The following ANXA8 variants were observed in gnomAD, a reference collection of about 807,000 sequenced individuals.
ANXA8 encodes the protein VAC-beta.
In ANXA8, 9 loss-of-function variants were observed where a neutral mutation model predicts 26.8. The observed-to-expected ratio is 0.34, with a 90% CI of 0.20 to 0.59. The LOEUF (loss-of-function observed/expected upper bound fraction) is 0.59, where lower values mean the gene tolerates loss of function less well. Among genes scored for constraint, ANXA8 ranks in the 20% least tolerant of loss-of-function variants. The probability of loss-of-function intolerance (pLI) is 0.84; values close to 1 mark genes in which losing one functional copy is unlikely to be tolerated. For synonymous variants in ANXA8, 39 were observed against 94.8 expected (o/e 0.41, Z 3.42); for missense variants, 83 against 238.5 (o/e 0.35, Z 4.29).
chr10:47,573,337 C>T, the ANXA8 span, among the ~76,000 whole-genome samples: 3 of 150,262 alleles, frequency 2.0e-5, 1 homozygote, highest in African/African-American at 7.5e-5. Context: ...CACTATGTTG[C>T]CCAGGCTTGT....
the ANXA8 span, chr10:47,590,035 C>T: frequency 6.8e-6 from 1 of 146,138 alleles, no homozygotes; most frequent in Non-Finnish European, 1.5e-5. Flanking sequence ...CCCCATTCCC[C>T]CCTGACAGGG....
the ANXA8 span, among the ~76,000 whole-genome samples, chr10:47,647,495 A>G: frequency 6.7e-6 from 1 of 150,136 alleles, no homozygotes; most frequent in Admixed American, 6.6e-5. Flanking sequence ...CCAGTTTCAC[A>G]CAAGGAATAA....
chr10:47,985,307 CCA>C, the ANXA8 span, among the ~76,000 whole-genome samples: 1 of 141,992 alleles, frequency 7.0e-6, no homozygotes, highest in East Asian at 2.0e-4. Context: ...AATGATAAAA[CCA>C]AATGCTAGCA....
the ANXA8 span, chr10:47,565,927 C>T: frequency 4.1e-5 from 60 of 1,476,960 alleles, no homozygotes; most frequent in African/African-American, 8.9e-5. Flanking sequence ...TCGAGGAGGG[C>T]ATGGTGGAGG....
the ANXA8 span, among the ~76,000 whole-genome samples, chr10:47,497,046 C>T: frequency 5.4e-4 from 82 of 151,436 alleles, no homozygotes; most frequent in Non-Finnish European, 8.8e-4. Flanking sequence ...TCAGGCCAGG[C>T]GCAGTGGCTC....
chr10:47,648,400 A>G, the ANXA8 span, among the ~76,000 whole-genome samples: 1 of 150,668 alleles, frequency 6.6e-6, no homozygotes, highest in Non-Finnish European at 1.5e-5. Context: ...TTGATTTCTT[A>G]TAACATAAAT....
At chr10:47,907,161 C>T in the ANXA8 span, among the ~76,000 whole-genome samples, 1 of 151,700 alleles carries the variant, frequency 6.6e-6, no homozygotes, top group Non-Finnish European at 1.5e-5. Flanking sequence ...CGAGACCATC[C>T]TGGCTAACAC....
the ANXA8 span, among the ~76,000 whole-genome samples, chr10:47,680,587 A>G: frequency 4.0e-5 from 6 of 151,714 alleles, no homozygotes; most frequent in Non-Finnish European, 2.9e-5. Context: ...GTGAGCTGAG[A>G]TTGCGCCATC....
the ANXA8 span, among the ~76,000 whole-genome samples, chr10:47,550,090 C>A: frequency 2.6e-5 from 4 of 151,532 alleles, no homozygotes; most frequent in Admixed American, 2.6e-4. Context: ...GCATTCCAGC[C>A]TGTGCCACAG....
At chr10:47,980,975 T>C in the ANXA8 span, among the ~76,000 whole-genome samples, 1 of 151,122 alleles carries the variant, frequency 6.6e-6, no homozygotes, top group Non-Finnish European at 1.5e-5. Context: ...GATGTCATTA[T>C]TCTCATGATA....
chr10:47,777,759 G>A, the ANXA8 span, among the ~76,000 whole-genome samples: 2 of 151,944 alleles, frequency 1.3e-5, no homozygotes, highest in Non-Finnish European at 2.9e-5. Flanking sequence ...GGCATCAAAC[G>A]ATGTATCCCT....
the ANXA8 span, among the ~76,000 whole-genome samples, chr10:47,559,058 C>G: frequency 6.6e-6 from 1 of 150,470 alleles, no homozygotes; most frequent in Non-Finnish European, 1.5e-5. Flanking sequence ...ATGTATATGT[C>G]ACATCATTTT....
chr10:47,639,340 T>C, the ANXA8 span, among the ~76,000 whole-genome samples: 1 of 119,966 alleles, frequency 8.3e-6, no homozygotes, highest in Non-Finnish European at 1.7e-5. Context: ...TGAGACGGAG[T>C]CTAGCTCTTT....
chr10:47,528,019 G>C, the ANXA8 span, among the ~76,000 whole-genome samples: 4 of 143,774 alleles, frequency 2.8e-5, no homozygotes, highest in East Asian at 8.3e-4. Context: ...TGACACTAGA[G>C]CTATTTCTGG....
At chr10:47,587,827 C>T in the ANXA8 span, among the ~76,000 whole-genome samples, 2 of 146,162 alleles carry the variant, frequency 1.4e-5, no homozygotes, top group African/African-American at 5.6e-5. Context: ...GAGTCTAGTG[C>T]AGGGTATCCT....
the ANXA8 span, among the ~76,000 whole-genome samples, chr10:47,593,569 A>G: frequency 6.7e-6 from 1 of 149,684 alleles, no homozygotes; most frequent in South Asian, 2.1e-4. Flanking sequence ...GAGTTATACC[A>G]TCATATAAAA....
chr10:47,627,254 A>G, the ANXA8 span, among the ~76,000 whole-genome samples: 2 of 150,184 alleles, frequency 1.3e-5, no homozygotes, highest in South Asian at 2.1e-4. Flanking sequence ...TAGCACTCAT[A>G]CTGTCATTTA....
the ANXA8 span, chr10:47,987,062 G>A: frequency 2.1e-6 from 1 of 468,992 alleles, no homozygotes; most frequent in Non-Finnish European, 4.2e-6. Flanking sequence ...AGAGGAGTAG[G>A]GGCTGAAACC....
the ANXA8 span, among the ~76,000 whole-genome samples, chr10:47,554,524 T>C: frequency 6.6e-6 from 1 of 150,554 alleles, no homozygotes; most frequent in Non-Finnish European, 1.5e-5. Context: ...CCTGAGGAAA[T>C]GCCTTGGAGC....
Sources: allele counts gnomAD v4.1 joint callset (sites outside exome capture counted in the v4.1 genomes callset), GRCh38; gene constraint gnomAD v4.1.1; transcripts MANE v1.5; gene names NCBI Gene and HGNC (gene_info 2026-07-23, HGNC 2026-07-21).